Variants in JAKMIP2 observed in about 807,000 individuals in gnomAD.
JAKMIP2 encodes janus kinase and microtubule interacting protein 2, also known as janus kinase and microtubule-interacting protein 2.
Under a neutral mutation model 115.0 loss-of-function variants are expected in JAKMIP2, and 25 were observed. That is an observed-to-expected ratio of 0.22 (90% confidence interval 0.16 to 0.30). JAKMIP2 has a LOEUF of 0.30. Among genes scored for constraint, JAKMIP2 ranks in the 10% least tolerant of loss-of-function variants. The pLI is 1.00. For synonymous variants in JAKMIP2, 334 were observed against 343.6 expected, an observed-to-expected ratio of 0.97 and a Z score of 0.31; for missense variants, 642 against 957.6, an observed-to-expected ratio of 0.67 and a Z score of 4.35.
At chr5:147,766,775 T>C (rs192818789) in intron 1 of JAKMIP2, among the ~76,000 whole-genome samples, 1 of 152,234 alleles carries the variant, frequency 6.6e-6, no homozygotes, top group African/African-American at 2.4e-5. Flanking sequence ...ATCACACATA[T>C]GGGTAAGCTG....
At chr5:147,771,822 A>C (rs1450950983) in intron 1 of JAKMIP2, among the ~76,000 whole-genome samples, 1 of 152,144 alleles carries the variant, frequency 6.6e-6, no homozygotes, top group African/African-American at 2.4e-5. Flanking sequence ...CAGGGCTAAC[A>C]ATTGGAAGCC....
intron 1 of JAKMIP2, among the ~76,000 whole-genome samples, chr5:147,750,327 A>T (rs1461414392): frequency 6.6e-6 from 1 of 152,092 alleles, no homozygotes. Flanking sequence ...CACAATCCTC[A>T]TATGACGCCT....
In JAKMIP2 at chr5:147,632,660, T is replaced by C. The variant is rs760045121; in HGVS notation, c.1776+20A>G. The C allele has an allele frequency of 7.0e-7, 1 of 1,425,890 alleles. No homozygotes were observed. Among genetic ancestry groups the C allele is most frequent in the Admixed American group, 1.7e-5 (1 of 57,284 alleles). 88.3% of individuals were successfully genotyped at this position (1,425,890 alleles called of 1,614,324 possible). A position where few individuals can be genotyped will look rare whatever the true frequency, so the allele number is the denominator to read the frequency against. On this transcript the variant is annotated intron_variant, in intron 13 of 21. Coordinates refer to ENST00000616793, the MANE Select transcript of JAKMIP2 (RefSeq NM_001270941.2). ...TAATCATTACGATTATTTTTATTAT[T>C]ATCATCATCATTTCCTTACTTCTAG...
intron 1 of JAKMIP2, among the ~76,000 whole-genome samples, chr5:147,695,777 A>G (rs1446077700): frequency 6.6e-6 from 1 of 152,070 alleles, no homozygotes; most frequent in Non-Finnish European, 1.5e-5. Context: ...TTAGGTACTG[A>G]TTGATAGAAA....
intron 1 of JAKMIP2, among the ~76,000 whole-genome samples, chr5:147,730,550 G>T (rs548472560): frequency 5.3e-5 from 8 of 152,158 alleles, no homozygotes; most frequent in African/African-American, 1.9e-4. Flanking sequence ...CCACCTCCCG[G>T]GTTCAAGTGA....
chr5:147,676,368 A>G lies in JAKMIP2; in HGVS notation c.-148-4414T>C, dbSNP rs138221196. 1.4e-4 allele frequency among the ~76,000 whole-genome samples: 22 copies of G among 152,276 alleles called. No individual in the cohort carries two copies. The East Asian group carries it at 4.3e-3, about 29-fold the overall frequency. ...AAAATAAAATAAAAGAGCGTGCCTG[A>G]AGGTATCACTGCACACAGGTGGAAT... is the stretch of plus-strand genomic sequence containing the variant. On this transcript the variant is annotated intron_variant, in intron 1 of 21. Coordinates refer to ENST00000616793, the MANE Select transcript of JAKMIP2 (RefSeq NM_001270941.2).
At chr5:147,595,888 T>TA (rs557658668) in intron 21 of JAKMIP2, among the ~76,000 whole-genome samples, 2 of 152,128 alleles carry the variant, frequency 1.3e-5, no homozygotes, top group African/African-American at 2.4e-5. Context: ...TGACATTAAT[T>TA]AAAAAAATGT....
intron 1 of JAKMIP2, among the ~76,000 whole-genome samples, chr5:147,707,071 T>C (rs1752587403): frequency 6.6e-6 from 1 of 152,158 alleles, no homozygotes; most frequent in African/African-American, 2.4e-5. Flanking sequence ...ACAGGCACTA[T>C]GATGTAAATA....
At chr5:147,671,621 A>T (rs1433486092) in intron 2 of JAKMIP2, 57 bp downstream of exon 2, 1 of 1,317,452 alleles carries the variant, frequency 7.6e-7, no homozygotes, top group African/African-American at 1.5e-5. Context: ...TGCTCGCTGC[A>T]TGTGGACACA....
chr5:147,631,590 C>G, intron 13 of JAKMIP2, 79 bp from the exon 14 acceptor site: 2 of 858,532 alleles, frequency 2.3e-6, no homozygotes, highest in South Asian at 3.5e-5. Context: ...TCTCTTTATG[C>G]TATTTCAGCA....
intron 21 of JAKMIP2, among the ~76,000 whole-genome samples, chr5:147,592,556 G>A (rs1214814071): frequency 6.6e-6 from 1 of 152,190 alleles, no homozygotes; most frequent in Non-Finnish European, 1.5e-5. Context: ...AAATAGCACA[G>A]AAGATGTGCT....
In JAKMIP2 at chr5:147,639,650, G is replaced by A. The variant is rs759282429; in HGVS notation, c.1512C>T (p.Asp504=). ...LLQEQTGGII[D]AEREAKAQEQ... ...CACTAACCTTGGCTTCTCGTTCAGC[G>A]TCGATGATGCCTCCCGTCTGCTCCT... Residue 504 remains aspartate (D), a synonymous_variant, in exon 10 of 22, where the codon GAC becomes GAT. Transcript: ENST00000616793. 16 of 1,613,016 alleles carry A rather than the reference G, an allele frequency of 9.9e-6. 1 individual carries two copies. The highest frequency in any genetic ancestry group is 3.3e-5 in the South Asian group (3 of 90,876).
chr5:147,675,368 G>A (rs1234620383), intron 1 of JAKMIP2, among the ~76,000 whole-genome samples: 3 of 152,076 alleles, frequency 2.0e-5, no homozygotes, highest in Non-Finnish European at 2.9e-5. Context: ...CACCCCTCTG[G>A]TGGAGGAGAA....
At chr5:147,738,647 GA>G (rs34231900) in intron 1 of JAKMIP2, among the ~76,000 whole-genome samples, 68,356 of 151,592 alleles carry the variant, frequency 0.45, 16,358 homozygotes, top group African/African-American at 0.61. Flanking sequence ...AAAAAATTCA[GA>G]AAAAAAGTTT....
chr5:147,598,449 T>TATCTATCTATC (rs2126572045), intron 21 of JAKMIP2, among the ~76,000 whole-genome samples: 1 of 152,118 alleles, frequency 6.6e-6, no homozygotes, highest in East Asian at 1.9e-4. Context: ...TCTATCTATC[T>TATCTATCTATC]ATCTATCTAT....
At chr5:147,596,965 G>A (rs919821435) in intron 21 of JAKMIP2, among the ~76,000 whole-genome samples, 4 of 151,924 alleles carry the variant, frequency 2.6e-5, no homozygotes, top group East Asian at 1.9e-4. Flanking sequence ...TCTGCCTCCT[G>A]GGTTCTAAGT....
At chr5:147,742,163 T>TA (rs1754174305) in intron 1 of JAKMIP2, among the ~76,000 whole-genome samples, 5 of 90,650 alleles carry the variant, frequency 5.5e-5, no homozygotes, top group African/African-American at 2.9e-4. Flanking sequence ...ATATTTTTTT[T>TA]ACTATTGTAT....
intron 1 of JAKMIP2, among the ~76,000 whole-genome samples, chr5:147,689,278 G>T (rs540517080): frequency 6.6e-6 from 1 of 152,096 alleles, no homozygotes; most frequent in South Asian, 2.1e-4. Flanking sequence ...TGCTTTTTAG[G>T]CCATTTTGCA....
At chr5:147,741,927 G>A (rs146566062) in intron 1 of JAKMIP2, among the ~76,000 whole-genome samples, 91 of 151,830 alleles carry the variant, frequency 6.0e-4, no homozygotes, top group African/African-American at 2.2e-3. Context: ...ATTAATGCTG[G>A]ACAAATAGAA....
Sources: gnomAD v4.1 joint callset for allele counts (sites outside exome capture counted in the v4.1 genomes callset) on GRCh38, gnomAD v4.1.1 for gene constraint, MANE v1.5 for transcripts, NCBI Gene and HGNC (gene_info 2026-07-23, HGNC 2026-07-21) for gene names.